The following USH2A variants were observed in gnomAD, a reference collection of about 807,000 sequenced individuals.
USH2A encodes the protein usherin, also known as Usher syndrome 2A (autosomal recessive, mild).
USH2A carries 443 observed loss-of-function variants against 538.9 expected under a neutral mutation model. The observed-to-expected ratio is 0.82, with a 90% CI of 0.76 to 0.89. USH2A has a LOEUF of 0.89. USH2A is among the 40% of genes least tolerant of loss of function. The pLI is 0.00. For missense variants in USH2A, 6,633 were observed against 6,324.8 expected (o/e 1.05, Z -1.65); for synonymous variants, 2,413 against 2,273.5 (o/e 1.06, Z -1.75).
chr1:216,179,807 A>G (rs1227366501), intron 20 of USH2A, among the ~76,000 whole-genome samples: 1 of 152,178 alleles, frequency 6.6e-6, no homozygotes, highest in Non-Finnish European at 1.5e-5. Context: ...TCAGATTTTC[A>G]AGGAAAAGGA....
At chr1:216,310,523 C>T (rs2102636461) in intron 9 of USH2A, among the ~76,000 whole-genome samples, 1 of 152,106 alleles carries the variant, frequency 6.6e-6, no homozygotes, top group African/African-American at 2.4e-5. Flanking sequence ...AGGAAATCTT[C>T]ATTTCTTTGT....
chr1:216,383,673 T>C (rs991850526), intron 3 of USH2A, among the ~76,000 whole-genome samples: 11 of 152,178 alleles, frequency 7.2e-5, no homozygotes, highest in African/African-American at 2.4e-4. Context: ...TTTTCACATG[T>C]AATTTGTTTG....
Position 216,292,325 on chromosome 1 carries a change from CT to C in USH2A, c.1689del (p.Gly564ValfsTer27). On this transcript the variant is annotated frameshift_variant, in exon 10 of 72. Transcript: ENST00000307340. LOFTEE classifies it high-confidence loss of function. ...CAATTGAAAGCGTAAACTTGATCAC[CT>C]TGGCGGAAAGGCTTGTCATTATAAA... ...LPLYNDKPFR[Q>X]GDQVYAFNCK... 1 of 1,613,996 alleles carries C rather than the reference CT, an allele frequency of 6.2e-7. No homozygotes were observed. Among genetic ancestry groups the C allele is most frequent in the Non-Finnish European group, 8.5e-7 (1 of 1,179,946 alleles).
intron 41 of USH2A, 131 bp downstream of exon 41, chr1:215,888,294 AC>A (rs1292595491): frequency 7.1e-7 from 1 of 1,415,740 alleles, no homozygotes; most frequent in East Asian, 2.4e-5. Context: ...AAAGGCCAAA[AC>A]CCAGTTTCTC....
At chr1:215,724,423 A>G (rs887031849) in intron 61 of USH2A, among the ~76,000 whole-genome samples, 4 of 139,222 alleles carry the variant, frequency 2.9e-5, no homozygotes, top group African/African-American at 1.0e-4. Context: ...ACATGTGGAC[A>G]TAGGGTGTGG....
intron 21 of USH2A, among the ~76,000 whole-genome samples, chr1:216,153,765 G>C (rs2033886518): frequency 6.6e-6 from 1 of 152,112 alleles, no homozygotes; most frequent in Non-Finnish European, 1.5e-5. Flanking sequence ...TTTTAATGAG[G>C]CTTTAACAGC....
chr1:215,877,947 G>C, intron 42 of USH2A, 67 bp from the exon 43 acceptor site: 2 of 1,605,920 alleles, frequency 1.2e-6, no homozygotes, highest in Non-Finnish European at 1.7e-6. Flanking sequence ...CAAAACTCAG[G>C]CTGTTCTGTG....
chr1:216,255,780 C>T (rs1039572042), intron 11 of USH2A, among the ~76,000 whole-genome samples: 2 of 152,100 alleles, frequency 1.3e-5, no homozygotes, highest in Non-Finnish European at 2.9e-5. Context: ...TATAGATTTA[C>T]TTATTTCCTG....
intron 69 of USH2A, among the ~76,000 whole-genome samples, chr1:215,636,235 T>C (rs1656479597): frequency 6.6e-6 from 1 of 152,146 alleles, no homozygotes; most frequent in Non-Finnish European, 1.5e-5. Flanking sequence ...ACACTCACAC[T>C]AGCAGGGAAA....
intron 20 of USH2A, among the ~76,000 whole-genome samples, chr1:216,185,463 A>C (rs982089978): frequency 2.0e-4 from 31 of 152,072 alleles, no homozygotes; most frequent in African/African-American, 7.0e-4. Flanking sequence ...TTCATGATTC[A>C]AATGCTTCCA....
At chr1:215,892,166 T>C (rs914744789) in intron 40 of USH2A, among the ~76,000 whole-genome samples, 10 of 152,202 alleles carry the variant, frequency 6.6e-5, no homozygotes, top group African/African-American at 2.2e-4. Flanking sequence ...TGTATTTGTA[T>C]ACATGTGTAT....
intron 4 of USH2A, among the ~76,000 whole-genome samples, chr1:216,337,994 A>T (rs2038005709): frequency 6.6e-6 from 1 of 151,280 alleles, no homozygotes; most frequent in African/African-American, 2.4e-5. Flanking sequence ...ATTTATAGAA[A>T]TTTACTAAAA....
At chr1:215,722,109 G>A (rs542815310) in intron 61 of USH2A, among the ~76,000 whole-genome samples, 52 of 148,164 alleles carry the variant, frequency 3.5e-4, no homozygotes, top group African/African-American at 7.2e-4. Flanking sequence ...AATATTCATT[G>A]TTTTGTGTGA....
At chr1:215,672,365 T>C (rs1168559792) in intron 63 of USH2A, among the ~76,000 whole-genome samples, 1 of 152,158 alleles carries the variant, frequency 6.6e-6, no homozygotes, top group Non-Finnish European at 1.5e-5. Flanking sequence ...TTCCACCTTT[T>C]TGCTTTCTTA....
intron 71 of USH2A, among the ~76,000 whole-genome samples, chr1:215,627,003 A>C (rs1201446505): frequency 1.3e-5 from 2 of 152,224 alleles, no homozygotes; most frequent in Non-Finnish European, 2.9e-5. Flanking sequence ...AAATGGACTC[A>C]TGTAGTTGAG....
At position 216,007,908 on chromosome 1, in the gene USH2A, A is replaced by T. The variant is rs192482727; in HGVS notation, c.6326-7346T>A. On this transcript the variant is annotated intron_variant, in intron 32 of 71. Transcript: ENST00000307340. ...TAAACTGAATTATAGAAATAAAATC[A>T]TAACTGTACACAGAGATAGAGACAT... Among the ~76,000 whole-genome samples, 294 of 152,388 alleles carry T rather than the reference A, an allele frequency of 1.9e-3. 1 individual carries two copies. Among genetic ancestry groups the T allele is most frequent in the Non-Finnish European group, 3.5e-3 (238 of 68,042 alleles).
chr1:215,889,206 G>C, intron 40 of USH2A, 152 bp from the exon 41 acceptor site: 1 of 905,978 alleles, frequency 1.1e-6, no homozygotes, highest in Non-Finnish European at 1.7e-6. Context: ...ATAAAGACAA[G>C]GACTGTGATT....
At chr1:216,162,888 C>T (rs534923527) in intron 21 of USH2A, among the ~76,000 whole-genome samples, 1 of 152,038 alleles carries the variant, frequency 6.6e-6, no homozygotes, top group South Asian at 2.1e-4. Context: ...AAATGTTGGC[C>T]AAGCACCCAA....
At chr1:216,175,131 G>C in intron 21 of USH2A, 121 bp downstream of exon 21, 1 of 1,526,446 alleles carries the variant, frequency 6.6e-7, no homozygotes, top group Non-Finnish European at 8.8e-7. Flanking sequence ...AGCTATCAAA[G>C]GGCTGAATTA....
Sources: allele counts gnomAD v4.1 joint callset (sites outside exome capture counted in the v4.1 genomes callset), GRCh38; gene constraint gnomAD v4.1.1; transcripts MANE v1.5; gene names NCBI Gene and HGNC (gene_info 2026-07-23, HGNC 2026-07-21).